The following PRKCH variants were observed in gnomAD, a reference collection of about 807,000 sequenced individuals.
PRKCH encodes the protein protein kinase C eta type.
A neutral mutation model predicts 82.5 loss-of-function variants in PRKCH; 28 were observed. The observed-to-expected ratio is 0.34, with a 90% CI of 0.25 to 0.47. The LOEUF (loss-of-function observed/expected upper bound fraction) is 0.47, where lower values mean the gene tolerates loss of function less well. Among genes scored for constraint, PRKCH ranks in the 20% least tolerant of loss-of-function variants. The pLI is 1.00. For missense variants in PRKCH, 705 were observed against 881.8 expected, an observed-to-expected ratio of 0.80 and a Z score of 2.54; for synonymous variants, 322 against 327.4, an observed-to-expected ratio of 0.98 and a Z score of 0.18.
chr14:61,481,797 C>T (rs992423222), intron 9 of PRKCH, among the ~76,000 whole-genome samples: 1 of 152,088 alleles, frequency 6.6e-6, no homozygotes, highest in African/African-American at 2.4e-5. Context: ...TGCACATTCA[C>T]GTTTGTGATC....
intron 10 of PRKCH, among the ~76,000 whole-genome samples, chr14:61,519,533 AAC>A (rs1021915185): frequency 6.6e-6 from 1 of 152,162 alleles, no homozygotes; most frequent in African/African-American, 2.4e-5. Flanking sequence ...GAGCCTTGGC[AAC>A]ACTTTCTGGG....
chr14:61,423,862 A>G (rs1882980867), intron 2 of PRKCH, among the ~76,000 whole-genome samples: 1 of 152,170 alleles, frequency 6.6e-6, no homozygotes, highest in Non-Finnish European at 1.5e-5. Flanking sequence ...ACTGATATGG[A>G]TAGGTTTTGT....
At chr14:61,514,765 T>C (rs2042798870) in intron 10 of PRKCH, among the ~76,000 whole-genome samples, 6 of 152,100 alleles carry the variant, frequency 3.9e-5, no homozygotes, top group Admixed American at 2.6e-4. Flanking sequence ...CCCCGAAATA[T>C]AAAGATATAG....
At chr14:61,279,471 C>G (rs2045236461) in intron 1 of PRKCH, 3 of 152,308 alleles carry the variant, frequency 2.0e-5, no homozygotes, top group Admixed American at 2.0e-4. Context: ...ATGGGACTCT[C>G]CAGTGGAGTT....
At chr14:61,432,924 T>TTG (rs1555386560) in intron 2 of PRKCH, among the ~76,000 whole-genome samples, 1 of 146,470 alleles carries the variant, frequency 6.8e-6, no homozygotes, top group Non-Finnish European at 1.5e-5. Context: ...AAAAAAAAAG[T>TTG]GGGGGGGATA....
intron 1 of PRKCH, among the ~76,000 whole-genome samples, chr14:61,250,953 G>A (rs1277743304): frequency 1.3e-5 from 2 of 152,098 alleles, no homozygotes; most frequent in Non-Finnish European, 2.9e-5. Context: ...AGGAAGCAGA[G>A]TGAAAGTGGA....
chr14:61,334,574 C>G (rs909442412), intron 1 of PRKCH, among the ~76,000 whole-genome samples: 2 of 152,046 alleles, frequency 1.3e-5, no homozygotes, highest in Admixed American at 6.6e-5. Context: ...GCAACAAAGG[C>G]CCTACCGTGA....
intron 2 of PRKCH, among the ~76,000 whole-genome samples, chr14:61,401,386 A>T (rs1566860338): frequency 6.6e-6 from 1 of 152,152 alleles, no homozygotes; most frequent in Non-Finnish European, 1.5e-5. Flanking sequence ...AAGTGAAAAA[A>T]CTAGGTGGTG....
At chr14:61,283,466 G>A (rs1028368687) in intron 1 of PRKCH, among the ~76,000 whole-genome samples, 2 of 152,206 alleles carry the variant, frequency 1.3e-5, no homozygotes, top group African/African-American at 2.4e-5. Flanking sequence ...TGTGTGGCAG[G>A]AATGAGGTTA....
At chr14:61,510,296 G>C (rs187258929) in intron 10 of PRKCH, among the ~76,000 whole-genome samples, 1 of 152,164 alleles carries the variant, frequency 6.6e-6, no homozygotes, top group Non-Finnish European at 1.5e-5. Context: ...AATAAATGCA[G>C]TGTGTTAGAG....
At chr14:61,470,017 G>A (rs1339861038) in intron 9 of PRKCH, among the ~76,000 whole-genome samples, 1 of 151,720 alleles carries the variant, frequency 6.6e-6, no homozygotes, top group Non-Finnish European at 1.5e-5. Context: ...CTCAGCTGGT[G>A]ACCCTCCATG....
intron 1 of PRKCH, among the ~76,000 whole-genome samples, chr14:61,337,503 CT>C (rs1442495910): frequency 6.6e-6 from 1 of 152,168 alleles, no homozygotes; most frequent in African/African-American, 2.4e-5. Context: ...TCACTGTAAC[CT>C]TGACCTCCTG....
chr14:61,246,342 A>C (rs1215756500), intron 1 of PRKCH, among the ~76,000 whole-genome samples: 3 of 149,756 alleles, frequency 2.0e-5, no homozygotes, highest in Non-Finnish European at 4.4e-5. Context: ...TGGGAGGTGG[A>C]GGTTTCAGTG....
chr14:61,209,480 G>A (rs932177313), intron 1 of PRKCH, among the ~76,000 whole-genome samples: 4 of 151,566 alleles, frequency 2.6e-5, no homozygotes, highest in South Asian at 2.1e-4. Flanking sequence ...ATAGCATCCC[G>A]AGCTGACTGA....
intron 9 of PRKCH, among the ~76,000 whole-genome samples, chr14:61,482,186 G>A (rs1886007816): frequency 2.0e-5 from 3 of 151,708 alleles, no homozygotes; most frequent in Admixed American, 6.6e-5. Flanking sequence ...TAGTAGAGAC[G>A]GGGTTTCACC....
intron 7 of PRKCH, 132 bp downstream of exon 7, chr14:61,453,485 T>C: frequency 1.2e-6 from 1 of 862,292 alleles, no homozygotes; most frequent in South Asian, 2.8e-5. Context: ...ATTGCCTTTC[T>C]TTCTTTCTTT....
At position 61,253,343 on chromosome 14, in the gene PRKCH, T is replaced by C. The variant is rs150904032; in HGVS notation, c.-19+65675T>C. Among the ~76,000 whole-genome samples the C allele has an allele frequency of 8.5e-5, 13 of 152,366 alleles. No individual in the cohort carries two copies. The East Asian group carries it at 2.5e-3, about 29-fold the overall frequency. On this transcript the variant is annotated intron_variant, in intron 1 of 3. Coordinates refer to the PRKCH transcript ENST00000555185. ...AGGGATGCGTGAGGCATGATTCTCA[T>C]AGACCCAAAATCAGGATGGACTTCA...
At chr14:61,269,886 G>A (rs1413961810) in intron 1 of PRKCH, among the ~76,000 whole-genome samples, 1 of 152,198 alleles carries the variant, frequency 6.6e-6, no homozygotes, top group Non-Finnish European at 1.5e-5. Context: ...GTCAGGGGCA[G>A]CGAGGCCACG....
intron 1 of PRKCH, among the ~76,000 whole-genome samples, chr14:61,225,610 ATGAG>A (rs1156266148): frequency 6.6e-6 from 1 of 152,248 alleles, no homozygotes; most frequent in Non-Finnish European, 1.5e-5. Context: ...CCACCCACAT[ATGAG>A]TAAGTGTCGT....
Sources: allele counts gnomAD v4.1 joint callset (sites outside exome capture counted in the v4.1 genomes callset), GRCh38; gene constraint gnomAD v4.1.1; transcripts MANE v1.5; gene names NCBI Gene and HGNC (gene_info 2026-07-23, HGNC 2026-07-21).